Variants in CEBPZOS observed in about 807,000 individuals in gnomAD.
CEBPZOS encodes the protein protein CEBPZOS.
Under a neutral mutation model 4.8 loss-of-function variants are expected in CEBPZOS, and 10 were observed. That is an observed-to-expected ratio of 2.07 (90% confidence interval 1.28 to 3.52). CEBPZOS has a LOEUF of 3.52. Ranked by LOEUF, CEBPZOS falls within the 30% of genes most tolerant of loss-of-function variation. The pLI is 0.00. For missense variants in CEBPZOS, 98 were observed against 43.6 expected, an observed-to-expected ratio of 2.25 and a Z score of -3.51; for synonymous variants, 25 against 14.2, an observed-to-expected ratio of 1.77 and a Z score of -1.72.
At chr2:37,198,700 T>G (rs1677068081) in intron 1 of CEBPZOS, 1 of 152,238 alleles carries the variant, frequency 6.6e-6, no homozygotes, top group Non-Finnish European at 1.5e-5. Flanking sequence ...TTTTCTTAGC[T>G]TATCTTTAAT....
chr2:37,202,859 G>C lies in CEBPZOS; in HGVS notation c.*999G>C. 6.3e-7 allele frequency: 1 copy of C among 1,599,618 alleles called. No homozygotes were observed. The highest frequency in any genetic ancestry group is 1.1e-5 in the South Asian group (1 of 88,072). ...GATCCCATATTTTCATCCAATAGATGGCCAAACTTTTAAACAAAAACGATA... is the reference window on the plus strand; with the variant it reads ...GATCCCATATTTTCATCCAATAGATCGCCAAACTTTTAAACAAAAACGATA... On this transcript the variant is annotated 3_prime_UTR_variant, in exon 5 of 5. Transcript: ENST00000402297.
intron 3 of CEBPZOS, 54 bp from the exon 4 acceptor site, chr2:37,201,588 A>C (rs1025411693): frequency 6.0e-6 from 4 of 665,740 alleles, no homozygotes; most frequent in Non-Finnish European, 8.1e-6. Context: ...AATACATTTA[A>C]TTTTAACAAT....
At chr2:37,207,625 C>A (rs1210671398), downstream of CEBPZOS, among the ~76,000 whole-genome samples, 1 of 152,170 alleles carries the variant, frequency 6.6e-6, no homozygotes, top group African/African-American at 2.4e-5. Flanking sequence ...CACAACCCAT[C>A]AAAACCTCTG....
intron 4 of CEBPZOS, 24 bp from the exon 5 acceptor site, chr2:37,201,839 A>G (rs548340291): frequency 3.0e-5 from 48 of 1,611,750 alleles, no homozygotes; most frequent in African/African-American, 8.0e-5. Context: ...TCTTGATGAT[A>G]CTTTTTGCAT....
downstream of CEBPZOS, among the ~76,000 whole-genome samples, chr2:37,206,927 T>A (rs1436269262): frequency 6.6e-6 from 1 of 152,052 alleles, no homozygotes; most frequent in Non-Finnish European, 1.5e-5. Context: ...ACATAAGGAC[T>A]CACATAAACT....
downstream of CEBPZOS, among the ~76,000 whole-genome samples, chr2:37,214,353 G>C (rs1677816611): frequency 6.6e-6 from 1 of 152,074 alleles, no homozygotes; most frequent in African/African-American, 2.4e-5. Context: ...TAAGGCATTA[G>C]GTTATGATAC....
Position 37,211,921 on chromosome 2 carries a change from C to T in CEBPZOS, c.*3-1516C>T, listed in dbSNP as rs372501847. Reference sequence around the variant, plus strand: ...TCATCAACTTCAGCAAATTCTTCATCATCCATACTTCCTAAAGAAACTTCA... The same window carrying T: ...TCATCAACTTCAGCAAATTCTTCATTATCCATACTTCCTAAAGAAACTTCA... On this transcript the variant is annotated intron_variant, in intron 4 of 4. Transcript: ENST00000397064. 3.1e-6 allele frequency: 5 copies of T among 1,613,442 alleles called. No homozygotes were observed. The highest frequency in any genetic ancestry group is 1.7e-5 in the Admixed American group (1 of 59,862).
downstream of CEBPZOS, chr2:37,216,170 GT>G: frequency 6.2e-7 from 1 of 1,612,974 alleles, no homozygotes. Flanking sequence ...TTAATAAAAT[GT>G]TTTCTTTTCG....
Position 37,201,729 on chromosome 2 carries a change from A to C in CEBPZOS, c.*2+3A>C. On this transcript the variant is annotated splice_donor_region_variant and intron_variant, in intron 4 of 4. Transcript: ENST00000402297. ...TGGTTGAACAGCAAAAATTAGATGT[A>C]AGTAGAATTTTAATCTATAATTTAC... 3 of 1,203,052 alleles carry C rather than the reference A, an allele frequency of 2.5e-6. No individual in the cohort carries two copies. The highest frequency in any genetic ancestry group is 3.6e-6 in the Non-Finnish European group (3 of 825,940). 74.5% of individuals were successfully genotyped at this position (1,203,052 alleles called of 1,614,324 possible). A position where few individuals can be genotyped will look rare whatever the true frequency, so the allele number is the denominator to read the frequency against.
intron 4 of CEBPZOS, chr2:37,210,887 C>A: frequency 1.8e-6 from 1 of 552,676 alleles, no homozygotes; most frequent in Non-Finnish European, 2.9e-6. Context: ...AAAAGAACCC[C>A]CCCCACCCCT....
In CEBPZOS at chr2:37,202,787, C is replaced by T; in HGVS notation, c.*927C>T. 1 of 1,556,416 alleles carries T rather than the reference C, an allele frequency of 6.4e-7. No individual in the cohort carries two copies. The highest frequency in any genetic ancestry group is 8.7e-7 in the Non-Finnish European group (1 of 1,150,124). On this transcript the variant is annotated 3_prime_UTR_variant, in exon 5 of 5. Coordinates refer to ENST00000402297, the MANE Select transcript of CEBPZOS (RefSeq NM_001322374.2). ...TAAAAAAATTTAAGTTACTTACTTG[C>T]ATTATCTTTGTTAGCCATGGCATTC...
intron 2 of CEBPZOS, 107 bp from the exon 3 acceptor site, chr2:37,200,941 A>G (rs961459988): frequency 9.2e-6 from 6 of 652,534 alleles, no homozygotes; most frequent in African/African-American, 1.8e-5. Flanking sequence ...TTTCTAATCT[A>G]TATGGTTCCC....
chr2:37,212,875 A>C (rs912647403), intron 4 of CEBPZOS, among the ~76,000 whole-genome samples: 4 of 150,670 alleles, frequency 2.7e-5, no homozygotes, highest in African/African-American at 7.3e-5. Context: ...AACAAAAAAA[A>C]AAACAAAAAA....
intron 2 of CEBPZOS, among the ~76,000 whole-genome samples, chr2:37,200,559 G>C (rs1367447182): frequency 1.3e-5 from 2 of 152,146 alleles, no homozygotes; most frequent in Admixed American, 1.3e-4. Context: ...TCATGGCTGG[G>C]TGTGATGGCT....
intron 1 of CEBPZOS, chr2:37,197,301 C>G (rs970873336): frequency 7.2e-5 from 11 of 152,218 alleles, no homozygotes; most frequent in Admixed American, 5.2e-4. Context: ...TTTTATCAGC[C>G]TCCTGAAGCC....
chr2:37,203,123 A>G lies in CEBPZOS; in HGVS notation c.*1263A>G. ...TACTTGGGTAAAAACAATTGCAATA[A>G]TCTTCTGGCACCATTGGGTAGCTGG... On this transcript the variant is annotated 3_prime_UTR_variant, in exon 5 of 5. Transcript: ENST00000402297. The G allele has an allele frequency of 1.6e-6, 1 of 632,036 alleles. No individual in the cohort carries two copies. Among genetic ancestry groups the G allele is most frequent in the Non-Finnish European group, 2.6e-6 (1 of 387,084 alleles). The allele number at this position is 632,036 out of a possible 1,614,324, so 39.2% of individuals were successfully genotyped here. A position where few individuals can be genotyped will look rare whatever the true frequency, so the allele number is the denominator to read the frequency against.
downstream of CEBPZOS, among the ~76,000 whole-genome samples, chr2:37,205,579 C>T (rs925907759): frequency 6.6e-6 from 1 of 152,242 alleles, no homozygotes; most frequent in Non-Finnish European, 1.5e-5. Context: ...GTGAAATAAG[C>T]AGCCTTGTTG....
chr2:37,210,994 C>G, intron 4 of CEBPZOS: 1 of 1,593,668 alleles, frequency 6.3e-7, no homozygotes, highest in East Asian at 2.3e-5. Context: ...AATGTATTTT[C>G]TTACCTTGAA....
chr2:37,197,558 T>G (rs887687835), intron 1 of CEBPZOS, among the ~76,000 whole-genome samples: 3 of 152,222 alleles, frequency 2.0e-5, no homozygotes, highest in Admixed American at 2.0e-4. Context: ...CGGTCTTTGT[T>G]CATTCCTTGA....
Sources: gnomAD v4.1 joint callset for allele counts (sites outside exome capture counted in the v4.1 genomes callset) on GRCh38, gnomAD v4.1.1 for gene constraint, MANE v1.5 for transcripts, NCBI Gene and HGNC (gene_info 2026-07-23, HGNC 2026-07-21) for gene names.